The following POLA1 variants were observed in gnomAD, a reference collection of about 807,000 sequenced individuals.
POLA1 encodes DNA polymerase alpha 1, catalytic subunit, also known as DNA polymerase alpha catalytic subunit.
A neutral mutation model predicts 124.0 loss-of-function variants in POLA1; 15 were observed. The ratio of observed to expected loss-of-function variants is 0.12; its 90% CI spans 0.08 to 0.19. The LOEUF is 0.19. POLA1 is among the 10% of genes least tolerant of loss of function. The pLI is 1.00. For missense variants in POLA1, 886 were observed against 1,103.4 expected (o/e 0.80, Z 2.79); for synonymous variants, 408 against 389.4 (o/e 1.05, Z -0.56).
At chrX:24,797,907 G>C (rs1157428217) in intron 26 of POLA1, among the ~76,000 whole-genome samples, 1 of 108,593 alleles carries the variant, frequency 9.2e-6, no homozygotes, top group Admixed American at 9.9e-5. Flanking sequence ...AATTAGCCAG[G>C]CTTGGTGGGG....
intron 16 of POLA1, among the ~76,000 whole-genome samples, chrX:24,732,774 A>T (rs777202872): frequency 1.8e-5 from 2 of 108,591 alleles, no homozygotes; most frequent in East Asian, 5.8e-4. Flanking sequence ...ATTAGACTTT[A>T]TTTTCTGATG....
intron 36 of POLA1, among the ~76,000 whole-genome samples, chrX:24,936,540 GT>G (rs1192354929): frequency 1.8e-5 from 2 of 109,465 alleles, no homozygotes; most frequent in East Asian, 2.9e-4. Flanking sequence ...CTGTTTTTTG[GT>G]TTTTTTTTGA....
chrX:24,844,035 A>T (rs1601795926), intron 34 of POLA1, among the ~76,000 whole-genome samples: 3 of 109,259 alleles, frequency 2.7e-5, no homozygotes, highest in Non-Finnish European at 5.7e-5. Context: ...AAAAATCACT[A>T]TTGGCTATTG....
At chrX:24,795,112 G>A (rs193239194) in intron 26 of POLA1, among the ~76,000 whole-genome samples, 15 of 110,676 alleles carry the variant, frequency 1.4e-4, no homozygotes, top group East Asian at 5.7e-4. Flanking sequence ...TTGGAGGACC[G>A]ATTGACTAGG....
At chrX:24,974,641 C>T (rs1212426919) in intron 36 of POLA1, among the ~76,000 whole-genome samples, 10 of 59,277 alleles carry the variant, frequency 1.7e-4, no homozygotes, top group East Asian at 1.1e-3. Context: ...CATCACACAC[C>T]GGGGCATGTT....
At chrX:24,952,651 C>A (rs1163121762) in intron 36 of POLA1, among the ~76,000 whole-genome samples, 1 of 111,960 alleles carries the variant, frequency 8.9e-6, no homozygotes, top group Non-Finnish European at 1.9e-5. Context: ...TAATAAGTAC[C>A]CTTTGTTATA....
chrX:24,716,230 A>T (rs1929821320), intron 6 of POLA1, 132 bp from the exon 7 acceptor site: 1 of 343,782 alleles, frequency 2.9e-6, no homozygotes, highest in African/African-American at 6.1e-5. Flanking sequence ...CATGACATCG[A>T]TGGGAGGGGG....
chrX:24,822,381 A>C (rs938106319), intron 31 of POLA1, among the ~76,000 whole-genome samples: 16 of 112,861 alleles, frequency 1.4e-4, no homozygotes, highest in African/African-American at 5.1e-4. Context: ...TTTTTTAAAG[A>C]AATTAAGTTT....
chrX:24,732,288 A>G, intron 15 of POLA1, 82 bp from the exon 16 acceptor site: 2 of 654,934 alleles, frequency 3.1e-6, no homozygotes, highest in Non-Finnish European at 5.0e-6. Flanking sequence ...GTGTATCTTT[A>G]AATATTCTTG....
intron 35 of POLA1, among the ~76,000 whole-genome samples, chrX:24,895,013 A>G (rs897941478): frequency 9.1e-6 from 1 of 110,288 alleles, no homozygotes; most frequent in Non-Finnish European, 1.9e-5. Context: ...GGCTCAAGCG[A>G]TCTGCCTGCC....
chrX:24,817,108 T>G (rs143315804), intron 30 of POLA1, among the ~76,000 whole-genome samples: 2 of 111,668 alleles, frequency 1.8e-5, no homozygotes, highest in East Asian at 5.6e-4. Context: ...AAACTGTGAC[T>G]TACTGTCTTT....
At chrX:24,898,481 T>G (rs2047235761) in intron 35 of POLA1, among the ~76,000 whole-genome samples, 1 of 112,478 alleles carries the variant, frequency 8.9e-6, no homozygotes, top group Non-Finnish European at 1.9e-5. Flanking sequence ...TTTCAAAAAT[T>G]GAGCATGAAT....
chrX:24,890,088 A>AT (rs72081141), intron 35 of POLA1, among the ~76,000 whole-genome samples: 12 of 77,760 alleles, frequency 1.5e-4, no homozygotes, highest in South Asian at 6.8e-4. Flanking sequence ...TTTCAGTACG[A>AT]TTTTTTTTTT....
chrX:24,781,511 C>T (rs1233315606), intron 26 of POLA1, among the ~76,000 whole-genome samples: 3 of 111,697 alleles, frequency 2.7e-5, no homozygotes, highest in African/African-American at 6.5e-5. Context: ...TATTGGATCT[C>T]ATATGGAATA....
chrX:24,801,920 G>GTGTGTGT lies in POLA1; in HGVS notation c.2965-7978_2965-7977insTGTGTGT, dbSNP rs1569317038. 6.7e-3 allele frequency among the ~76,000 whole-genome samples: 319 copies of GTGTGTGT among 47,486 alleles called. 1 individual carries two copies. Among genetic ancestry groups the GTGTGTGT allele is most frequent in the African/African-American group, 0.027 (250 of 9,271 alleles). The allele number at this position is 47,486 out of a possible 115,157, so 41.2% of individuals were successfully genotyped here. ...AGAAACAGAGCCACTAGGAGAGGTGGGTGGGTGTGTGTGTGTGTGTGTGTG... is the reference window on the plus strand; with the variant it reads ...AGAAACAGAGCCACTAGGAGAGGTGGTGTGTGTGTGGGTGTGTGTGTGTGTGTGTGTG... On this transcript the variant is annotated intron_variant, in intron 26 of 36. Transcript: ENST00000379068.
At chrX:24,973,079 G>C (rs761954049) in intron 36 of POLA1, among the ~76,000 whole-genome samples, 2 of 112,175 alleles carry the variant, frequency 1.8e-5, no homozygotes, top group South Asian at 7.5e-4. Flanking sequence ...CTTCTGGCTG[G>C]GTGCAGTGGC....
At chrX:24,767,835 C>A (rs1470274542) in intron 26 of POLA1, among the ~76,000 whole-genome samples, 3 of 112,021 alleles carry the variant, frequency 2.7e-5, no homozygotes, top group Non-Finnish European at 3.8e-5. Flanking sequence ...GGGAAGCAAT[C>A]CTCAATTGAG....
chrX:24,809,868 C>T (rs762444958), intron 26 of POLA1, 30 bp from the exon 27 acceptor site: 1 of 933,360 alleles, frequency 1.1e-6, no homozygotes, highest in South Asian at 2.3e-5. Flanking sequence ...AATTGTGTAA[C>T]TTATTAATCT....
intron 35 of POLA1, among the ~76,000 whole-genome samples, chrX:24,920,144 G>A (rs761275605): frequency 2.9e-4 from 32 of 110,409 alleles, no homozygotes; most frequent in African/African-American, 9.2e-4. Context: ...ACCGAGCCTG[G>A]CCACCCCCTC....
Sources: allele counts gnomAD v4.1 joint callset (sites outside exome capture counted in the v4.1 genomes callset), GRCh38; gene constraint gnomAD v4.1.1; transcripts MANE v1.5; gene names NCBI Gene and HGNC (gene_info 2026-07-23, HGNC 2026-07-21).